RIGI: variants seen among roughly 807,000 people sequenced by gnomAD.
The protein encoded by RIGI is RNA sensor RIG-I, also known as antiviral innate immune response receptor RIG-I.
chr9:32,461,183 C>T, the RIGI span, among the ~76,000 whole-genome samples: 1 of 152,138 alleles, frequency 6.6e-6, no homozygotes, highest in Non-Finnish European at 1.5e-5. Context: ...CAGTCCACCC[C>T]AGAACCCTAG....
chr9:32,465,512 G>T, the RIGI span, among the ~76,000 whole-genome samples: 9 of 152,148 alleles, frequency 5.9e-5, no homozygotes, highest in African/African-American at 1.9e-4. Flanking sequence ...TATGCCAGGC[G>T]CTAAGAGATG....
the RIGI span, among the ~76,000 whole-genome samples, chr9:32,498,982 CAAA>C: frequency 0.4 from 38,947 of 96,824 alleles, 4,796 homozygotes; most frequent in South Asian, 0.5. Flanking sequence ...GACTCTGTCT[CAAA>C]AAAAAAAAAA....
the RIGI span, among the ~76,000 whole-genome samples, chr9:32,516,194 G>T: frequency 3.3e-5 from 5 of 152,130 alleles, no homozygotes; most frequent in Admixed American, 1.3e-4. Context: ...CATTCATCAT[G>T]ATTGCTTCCT....
chr9:32,461,710 G>A, the RIGI span, among the ~76,000 whole-genome samples: 1 of 152,050 alleles, frequency 6.6e-6, no homozygotes, highest in African/African-American at 2.4e-5. Context: ...AATGTTAATG[G>A]GGTGGCTTGT....
At chr9:32,500,162 C>G in the RIGI span, among the ~76,000 whole-genome samples, 3 of 152,154 alleles carry the variant, frequency 2.0e-5, no homozygotes, top group African/African-American at 7.2e-5. Flanking sequence ...AAGAAAAGCC[C>G]CAATCTACTA....
chr9:32,498,030 A>T, the RIGI span, among the ~76,000 whole-genome samples: 1 of 152,242 alleles, frequency 6.6e-6, no homozygotes, highest in South Asian at 2.1e-4. Context: ...TGAGAAACAG[A>T]AACCAGCCCT....
At chr9:32,508,802 G>A in the RIGI span, among the ~76,000 whole-genome samples, 3 of 152,124 alleles carry the variant, frequency 2.0e-5, no homozygotes, top group Non-Finnish European at 4.4e-5. Flanking sequence ...AAGTGGTCTA[G>A]CACAGCAAAT....
chr9:32,526,141 A>C, the RIGI span: 1 of 1,612,834 alleles, frequency 6.2e-7, no homozygotes, highest in African/African-American at 1.3e-5. Context: ...GAAGGCTTGC[A>C]GGCTGCGTCG....
the RIGI span, among the ~76,000 whole-genome samples, chr9:32,495,784 C>T: frequency 0.02 from 2,972 of 151,756 alleles, 106 homozygotes; most frequent in African/African-American, 0.067. Flanking sequence ...CACAGCCTCC[C>T]GAGTAGCTGG....
the RIGI span, among the ~76,000 whole-genome samples, chr9:32,506,692 G>A: frequency 1.3e-5 from 2 of 152,050 alleles, no homozygotes; most frequent in East Asian, 1.9e-4. Context: ...CGTGGCCTCC[G>A]TTTTTATTTT....
the RIGI span, among the ~76,000 whole-genome samples, chr9:32,472,239 C>A: frequency 1.3e-5 from 2 of 152,134 alleles, no homozygotes; most frequent in African/African-American, 2.4e-5. Context: ...ATTTCTATTT[C>A]TAGACAATCT....
At chr9:32,499,316 G>GTTTTTTTTTTTT in the RIGI span, among the ~76,000 whole-genome samples, 1,532 of 56,958 alleles carry the variant, frequency 0.027, 5 homozygotes, top group East Asian at 0.056. Context: ...TTTGTGATTT[G>GTTTTTTTTTTTT]TTTTTTTTTT....
the RIGI span, among the ~76,000 whole-genome samples, chr9:32,460,115 G>C: frequency 7.9e-5 from 12 of 152,210 alleles, no homozygotes; most frequent in African/African-American, 2.9e-4. Context: ...GGGTTTATCA[G>C]CGTTTCCACT....
chr9:32,509,976 G>T, the RIGI span, among the ~76,000 whole-genome samples: 1 of 151,768 alleles, frequency 6.6e-6, no homozygotes, highest in Non-Finnish European at 1.5e-5. Context: ...TCAAGCAGAA[G>T]AAAGGATATC....
At chr9:32,467,187 G>A in the RIGI span, among the ~76,000 whole-genome samples, 268 of 152,206 alleles carry the variant, frequency 1.8e-3, no homozygotes, top group Non-Finnish European at 3.0e-3. Context: ...TGCACAAAAG[G>A]GAAGAATGGG....
the RIGI span, chr9:32,480,433 T>C: frequency 3.7e-6 from 5 of 1,349,224 alleles, no homozygotes; most frequent in African/African-American, 1.4e-5. Context: ...TCGTTGTATT[T>C]AACGAATTGT....
the RIGI span, among the ~76,000 whole-genome samples, chr9:32,506,445 C>A: frequency 6.6e-6 from 1 of 152,164 alleles, no homozygotes; most frequent in Non-Finnish European, 1.5e-5. Context: ...TTAATGATTT[C>A]TTGTGGGATT....
chr9:32,498,458 C>A, the RIGI span: 2 of 427,470 alleles, frequency 4.7e-6, no homozygotes, highest in South Asian at 3.2e-5. Flanking sequence ...CACTTCCCAG[C>A]CTGTCAAAAT....
chr9:32,458,037 CTT>C, the RIGI span, among the ~76,000 whole-genome samples: 1 of 152,190 alleles, frequency 6.6e-6, no homozygotes, highest in South Asian at 2.1e-4. Flanking sequence ...GGTAAGGGAA[CTT>C]AGCAATATGA....
Sources: allele counts gnomAD v4.1 joint callset (sites outside exome capture counted in the v4.1 genomes callset), GRCh38; gene constraint gnomAD v4.1.1; transcripts MANE v1.5; gene names NCBI Gene and HGNC (gene_info 2026-07-23, HGNC 2026-07-21).